The following PIR variants were observed in gnomAD, a reference collection of about 807,000 sequenced individuals.
The protein encoded by PIR is pirin.
PIR carries 22 observed loss-of-function variants against 24.2 expected under a neutral mutation model. The ratio of observed to expected loss-of-function variants is 0.91; its 90% CI spans 0.65 to 1.30. The LOEUF is 1.30. Ranked by LOEUF, PIR falls within the 50% of genes most tolerant of loss-of-function variation. PIR has a pLI of 0.00. For synonymous variants in PIR, 80 were observed against 79.6 expected, an observed-to-expected ratio of 1.00 and a Z score of -0.03; for missense variants, 220 against 220.3, an observed-to-expected ratio of 1.00 and a Z score of 0.01.
chrX:15,433,082 G>A (rs1404226909), intron 5 of PIR, among the ~76,000 whole-genome samples: 1 of 112,755 alleles, frequency 8.9e-6, no homozygotes, highest in Non-Finnish European at 1.9e-5. Context: ...TGCAAATGGA[G>A]ATGTCAAGTT....
chrX:15,447,390 C>G (rs1486324361), intron 5 of PIR, among the ~76,000 whole-genome samples: 1 of 110,889 alleles, frequency 9.0e-6, no homozygotes, highest in African/African-American at 3.3e-5. Context: ...TCTCGGCTCA[C>G]TGCAAGCTCC....
chrX:15,485,779 G>A (rs1474628382), intron 2 of PIR, among the ~76,000 whole-genome samples: 21 of 112,255 alleles, frequency 1.9e-4, no homozygotes, highest in Admixed American at 1.2e-3. Context: ...ATTAGTCCTC[G>A]TCAAACTTCC....
intron 6 of PIR, among the ~76,000 whole-genome samples, chrX:15,419,948 C>T (rs1925068868): frequency 9.7e-6 from 1 of 102,948 alleles, no homozygotes; most frequent in Non-Finnish European, 2.0e-5. Flanking sequence ...CCTGTAATCC[C>T]AACTTTGGGA....
intron 9 of PIR, among the ~76,000 whole-genome samples, chrX:15,385,317 T>C (rs1478719654): frequency 8.9e-6 from 1 of 112,670 alleles, no homozygotes; most frequent in Non-Finnish European, 1.9e-5. Flanking sequence ...TTATTGATTA[T>C]AAAGACGAAA....
chrX:15,396,950 C>A (rs1014791914), intron 8 of PIR, among the ~76,000 whole-genome samples: 8 of 111,592 alleles, frequency 7.2e-5, no homozygotes, highest in Non-Finnish European at 1.3e-4. Context: ...CCGTGTTAGC[C>A]AGGATGGTCT....
At chrX:15,416,918 C>T (rs1014503431) in intron 6 of PIR, among the ~76,000 whole-genome samples, 1 of 111,576 alleles carries the variant, frequency 9.0e-6, no homozygotes, top group East Asian at 2.8e-4. Context: ...TGACCACAGT[C>T]CCAGATGACA....
chrX:15,385,365 T>C (rs1338277267), intron 9 of PIR, among the ~76,000 whole-genome samples: 1 of 112,223 alleles, frequency 8.9e-6, no homozygotes, highest in African/African-American at 3.2e-5. Context: ...CCATTCAGTA[T>C]AGGTTTCTCA....
At chrX:15,412,698 C>G (rs774905590) in intron 6 of PIR, among the ~76,000 whole-genome samples, 154 of 112,032 alleles carry the variant, frequency 1.4e-3, no homozygotes, top group Non-Finnish European at 2.5e-3. Flanking sequence ...GTATCATGGC[C>G]TCTCTGCCTG....
At chrX:15,397,303 T>C in intron 8 of PIR, 146 bp downstream of exon 8, 1 of 473,943 alleles carries the variant, frequency 2.1e-6, no homozygotes, top group East Asian at 3.7e-5. Flanking sequence ...TAGCAGAAAT[T>C]AATGAAAAGA....
At chrX:15,422,332 GA>G (rs34503974) in intron 6 of PIR, among the ~76,000 whole-genome samples, 25,168 of 90,587 alleles carry the variant, frequency 0.28, 2,676 homozygotes, top group East Asian at 0.53. Context: ...CTAGGCAAGA[GA>G]AAAAAAAAAA....
In PIR at chrX:15,402,927, A is replaced by G. The variant is rs149350649; in HGVS notation, c.610+4579T>C. Reference sequence around the variant, plus strand: ...TGTTTAATTAAATTACATAATTTCAATTATTGGTGCAACTAGCATAAATGG... The same window carrying G: ...TGTTTAATTAAATTACATAATTTCAGTTATTGGTGCAACTAGCATAAATGG... On this transcript the variant is annotated intron_variant, in intron 7 of 9. Coordinates refer to ENST00000380420, the MANE Select transcript of PIR (RefSeq NM_001018109.3). 4.6e-3 allele frequency among the ~76,000 whole-genome samples: 517 copies of G among 112,209 alleles called. 5 individuals are homozygous for G. Among genetic ancestry groups the G allele is most frequent in the African/African-American group, 0.016 (495 of 30,886 alleles).
intron 9 of PIR, among the ~76,000 whole-genome samples, chrX:15,388,613 T>A (rs4830940): frequency 9.0e-6 from 1 of 110,597 alleles, no homozygotes; most frequent in South Asian, 3.8e-4. Flanking sequence ...ATAAAATATC[T>A]GGATTTTATT....
intron 3 of PIR, among the ~76,000 whole-genome samples, chrX:15,460,010 T>C (rs7052882): frequency 0.032 from 3,503 of 110,390 alleles, 146 homozygotes; most frequent in African/African-American, 0.11. Flanking sequence ...TAGTCAACAT[T>C]GTCAGAAAAA....
intron 6 of PIR, among the ~76,000 whole-genome samples, chrX:15,412,008 CCT>C (rs1602252634): frequency 9.0e-6 from 1 of 110,624 alleles, no homozygotes; most frequent in Non-Finnish European, 1.9e-5. Context: ...ACATGTAGCC[CCT>C]TTACCTTGAA....
intron 5 of PIR, among the ~76,000 whole-genome samples, chrX:15,442,619 C>G (rs1925954560): frequency 8.9e-6 from 1 of 112,123 alleles, no homozygotes; most frequent in Non-Finnish European, 1.9e-5. Context: ...ATTAAAAGTG[C>G]TACTCCAGCG....
At chrX:15,433,532 GAA>G (rs1925586796) in intron 5 of PIR, among the ~76,000 whole-genome samples, 2 of 63,936 alleles carry the variant, frequency 3.1e-5, no homozygotes, top group African/African-American at 1.4e-4. Flanking sequence ...AAGAAAGAAA[GAA>G]AGAAAGAAAG....
At chrX:15,470,894 C>T (rs772962181) in intron 3 of PIR, among the ~76,000 whole-genome samples, 22 of 111,493 alleles carry the variant, frequency 2.0e-4, no homozygotes, top group East Asian at 1.1e-3. Context: ...TGAGCCACCG[C>T]GCCCAGCGCA....
intron 2 of PIR, 83 bp downstream of exon 2, chrX:15,491,079 G>A: frequency 3.0e-6 from 2 of 673,974 alleles, no homozygotes; most frequent in Non-Finnish European, 4.7e-6. Flanking sequence ...GACTATCTTG[G>A]CCCCCTCTTC....
At chrX:15,393,177 G>A (rs752616823) in intron 8 of PIR, among the ~76,000 whole-genome samples, 35 of 112,054 alleles carry the variant, frequency 3.1e-4, no homozygotes, top group African/African-American at 1.1e-3. Flanking sequence ...TTGCTTTGGT[G>A]CACCTTTTCA....
Sources: gnomAD v4.1 joint callset for allele counts (sites outside exome capture counted in the v4.1 genomes callset) on GRCh38, gnomAD v4.1.1 for gene constraint, MANE v1.5 for transcripts, NCBI Gene and HGNC (gene_info 2026-07-23, HGNC 2026-07-21) for gene names.